The following NMU variants were observed in gnomAD, a reference collection of about 807,000 sequenced individuals.
The protein encoded by NMU is neuromedin U.
Under a neutral mutation model 35.4 loss-of-function variants are expected in NMU, and 29 were observed. That is an observed-to-expected ratio of 0.82 (90% CI 0.61 to 1.12). NMU has a LOEUF of 1.12. Among genes scored for constraint, NMU ranks in the 50% most tolerant of loss-of-function variants. NMU has a pLI of 0.00. For missense variants in NMU, 199 were observed against 206.2 expected, an observed-to-expected ratio of 0.97 and a Z score of 0.21; for synonymous variants, 78 against 81.3, an observed-to-expected ratio of 0.96 and a Z score of 0.22.
At chr4:55,609,248 AC>A (rs1271081457) in intron 3 of NMU, 69 bp from the exon 4 acceptor site, 12 of 1,207,094 alleles carry the variant, frequency 9.9e-6, no homozygotes, top group Middle Eastern at 1.9e-4. Flanking sequence ...AGAGGTAACT[AC>A]AAAATGTTAG....
chr4:55,615,090 G>A (rs1734065287), intron 3 of NMU, among the ~76,000 whole-genome samples: 1 of 152,218 alleles, frequency 6.6e-6, no homozygotes, highest in Non-Finnish European at 1.5e-5. Flanking sequence ...TAGGGAGTAT[G>A]CCGCAGGCGC....
intron 3 of NMU, 61 bp from the exon 4 acceptor site, chr4:55,609,240 A>T: frequency 7.8e-7 from 1 of 1,283,514 alleles, no homozygotes; most frequent in Non-Finnish European, 1.1e-6. Flanking sequence ...TACATAGAAG[A>T]GGTAACTACA....
chr4:55,596,934 A>C (rs1007108046), intron 9 of NMU, among the ~76,000 whole-genome samples: 2 of 152,200 alleles, frequency 1.3e-5, no homozygotes, highest in African/African-American at 4.8e-5. Context: ...GAAAGGTTTA[A>C]TCTCTTCCTA....
rs17085935 is a variant in NMU, at chr4:55,600,262, T to A, written c.489+260A>T. 5.7e-3 allele frequency among the ~76,000 whole-genome samples: 861 copies of A among 152,262 alleles called. 10 individuals carry two copies. The highest frequency in any genetic ancestry group is 0.02 in the African/African-American group (821 of 41,556). On this transcript the variant is annotated intron_variant, in intron 8 of 9. Transcript: ENST00000264218. The stretch of plus-strand genomic sequence containing the variant: ...GTTACTTTCTATACATAAAATGTCA[T>A]GGAATTAAAGTGTCAAATAGGTGAA...
chr4:55,612,044 G>A (rs1577947762), intron 3 of NMU, among the ~76,000 whole-genome samples: 1 of 152,140 alleles, frequency 6.6e-6, no homozygotes, highest in South Asian at 2.1e-4. Context: ...TGTTGCATTG[G>A]TATTGCCTGC....
chr4:55,619,473 G>A (rs1342272020), intron 2 of NMU, among the ~76,000 whole-genome samples: 56 of 134,650 alleles, frequency 4.2e-4, no homozygotes, highest in Non-Finnish European at 8.3e-4. Flanking sequence ...AAGAAACGGC[G>A]CACCACGAGA....
At chr4:55,634,149 T>C (rs1715772985) in intron 1 of NMU, among the ~76,000 whole-genome samples, 1 of 152,250 alleles carries the variant, frequency 6.6e-6, no homozygotes, top group Admixed American at 6.5e-5. Context: ...TCTTGCATGA[T>C]GATTGATCAT....
rs563966457 is a variant in NMU, at chr4:55,634,904, C to A, written c.112+1177G>T. Among the ~76,000 whole-genome samples the A allele has an allele frequency of 2.3e-3, 351 of 150,258 alleles. 10 individuals carry two copies. The highest frequency in any genetic ancestry group is 0.01 in the Middle Eastern group (3 of 292). ...CTCTCTCTCTCTCACACACACACCC[C>A]CCTCCAATGCCTCAGGAAAGGACAA... On this transcript the variant is annotated intron_variant, in intron 1 of 9. Transcript: ENST00000264218.
Position 55,607,283 on chromosome 4 carries a change from A to G in NMU, c.360+15T>C. 1 of 1,557,086 alleles carries G rather than the reference A, an allele frequency of 6.4e-7. No homozygotes were observed. Among genetic ancestry groups the G allele is most frequent in the Non-Finnish European group, 8.9e-7 (1 of 1,128,534 alleles). Reference sequence around the variant, plus strand: ...CAAATATTAGTGATTACTAAGAAGTAGTTCTACAACTTACCACAACATTTG... The same window carrying G: ...CAAATATTAGTGATTACTAAGAAGTGGTTCTACAACTTACCACAACATTTG... On this transcript the variant is annotated intron_variant, in intron 6 of 9. Coordinates refer to ENST00000264218, the MANE Select transcript of NMU (RefSeq NM_006681.4).
At position 55,611,531 on chromosome 4, in the gene NMU, C is replaced by G. The variant is rs143235699; in HGVS notation, c.220-2352G>C. 5.3e-5 allele frequency among the ~76,000 whole-genome samples: 8 copies of G among 152,284 alleles called. No individual in the cohort carries two copies. In the South Asian group the frequency reaches 1.5e-3, roughly 28 times the overall value. ...GTAATGTCCTAGGCCTTCACATTCA[C>G]TCATTACTGACTCACTGACTCACCC... On this transcript the variant is annotated intron_variant, in intron 3 of 9. Transcript: ENST00000264218.
At chr4:55,600,158 C>G (rs974461766) in intron 8 of NMU, among the ~76,000 whole-genome samples, 1 of 152,070 alleles carries the variant, frequency 6.6e-6, no homozygotes, top group Admixed American at 6.5e-5. Context: ...TGAAAGTATT[C>G]GTAACTCTTC....
At chr4:55,605,414 T>C (rs1733640663) in intron 6 of NMU, 65 bp from the exon 7 acceptor site, 2 of 1,174,360 alleles carry the variant, frequency 1.7e-6, no homozygotes, top group African/African-American at 1.5e-5. Context: ...ATCAAGACGG[T>C]TTCCTATTTG....
chr4:55,631,420 A>C (rs1389729494), intron 1 of NMU, among the ~76,000 whole-genome samples: 1 of 152,206 alleles, frequency 6.6e-6, no homozygotes, highest in African/African-American at 2.4e-5. Context: ...TTTGCAAACT[A>C]TGCATCCAAC....
intron 4 of NMU, among the ~76,000 whole-genome samples, chr4:55,607,683 C>T (rs1047853808): frequency 1.1e-4 from 16 of 152,210 alleles, no homozygotes; most frequent in African/African-American, 3.9e-4. Context: ...GCATAAAGAT[C>T]TCTTTACTGC....
intron 7 of NMU, 59 bp downstream of exon 7, chr4:55,605,216 A>T: frequency 8.8e-7 from 1 of 1,141,642 alleles, no homozygotes. Context: ...GCTGGGAATT[A>T]ACAGAAAGGG....
At chr4:55,606,191 T>C (rs1733675540) in intron 6 of NMU, among the ~76,000 whole-genome samples, 2 of 152,230 alleles carry the variant, frequency 1.3e-5, no homozygotes. Flanking sequence ...TACCTTTCCA[T>C]AGGTATATAT....
chr4:55,599,127 T>G lies in NMU; in HGVS notation c.*4+15A>C, dbSNP rs369293901. On this transcript the variant is annotated intron_variant, in intron 9 of 9. Coordinates refer to ENST00000264218, the MANE Select transcript of NMU (RefSeq NM_006681.4). ...CTATTTTATTTATTTATTTGTTTAT[T>G]TATTTCTCACATACCATTTTAAATG... 8.2e-5 allele frequency: 128 copies of G among 1,555,796 alleles called. 1 individual carries two copies. Among genetic ancestry groups the G allele is most frequent in the South Asian group, 7.1e-4 (63 of 89,156 alleles).
chr4:55,607,297 C>A lies in NMU; in HGVS notation c.360+1G>T. On this transcript the variant is annotated splice_donor_variant, in intron 6 of 9. Transcript: ENST00000264218. LOFTEE classifies it high-confidence loss of function. ...TACTAAGAAGTAGTTCTACAACTTA[C>A]CACAACATTTGACTTGCCCAACTTC... The A allele has an allele frequency of 6.3e-7, 1 of 1,599,304 alleles. No homozygotes were observed. The highest frequency in any genetic ancestry group is 2.2e-5 in the East Asian group (1 of 44,602).
In NMU at chr4:55,603,924, AAAATATAT is replaced by A. The variant is rs1435955713; in HGVS notation, c.435+1343_435+1350del. On this transcript the variant is annotated intron_variant, in intron 7 of 9. Coordinates refer to ENST00000264218, the MANE Select transcript of NMU (RefSeq NM_006681.4). ...AAGAGTCCGTCTCAAAAAAAAAAAAAAAATATATATATATATATATATGTATATATGTG... is the reference window on the plus strand; with the variant it reads ...AAGAGTCCGTCTCAAAAAAAAAAAAAATATATATATATATGTATATATGTG... Among the ~76,000 whole-genome samples, 4 of 52,226 alleles carry A rather than the reference AAAATATAT, an allele frequency of 7.7e-5. 2 individuals are homozygous for A. The highest frequency in any genetic ancestry group is 3.1e-4 in the African/African-American group (4 of 12,884). 34.3% of individuals were successfully genotyped at this position (52,226 alleles called of 152,430 possible).
Sources: gnomAD v4.1 joint callset for allele counts (sites outside exome capture counted in the v4.1 genomes callset) on GRCh38, gnomAD v4.1.1 for gene constraint, MANE v1.5 for transcripts, NCBI Gene and HGNC (gene_info 2026-07-23, HGNC 2026-07-21) for gene names.